CSMD2: variants seen among roughly 807,000 people sequenced by gnomAD.
CSMD2 encodes CUB and Sushi multiple domains 2.
A neutral mutation model predicts 398.5 loss-of-function variants in CSMD2; 130 were observed. The observed-to-expected ratio is 0.33, with a 90% CI of 0.28 to 0.38. The LOEUF is 0.38. Ranked by LOEUF, CSMD2 falls within the 10% of genes least tolerant of loss-of-function variation. The pLI, the probability that CSMD2 is intolerant of heterozygous loss-of-function variation, is 1.00. For missense variants in CSMD2, 3,829 were observed against 4,764.9 expected (o/e 0.80, Z 5.78); for synonymous variants, 1,828 against 1,908.5 (o/e 0.96, Z 1.10).
intron 15 of CSMD2, among the ~76,000 whole-genome samples, chr1:33,734,263 A>G (rs1468229861): frequency 6.6e-6 from 1 of 152,120 alleles, no homozygotes; most frequent in Non-Finnish European, 1.5e-5. Context: ...CTGTTAAACC[A>G]TTTTCCTCTG....
chr1:33,637,332 T>C (rs1264926960), intron 29 of CSMD2, among the ~76,000 whole-genome samples: 1 of 152,214 alleles, frequency 6.6e-6, no homozygotes, highest in Non-Finnish European at 1.5e-5. Flanking sequence ...AAAACCACAG[T>C]ATTTTTTTCA....
Position 33,571,657 on chromosome 1 carries a change from T to C in CSMD2, c.7832A>G (p.Gln2611Arg). ...CATCAGCTGGGCCTGGAACTGATAC[T>C]GTGTCTCAAAGATAAGCCTCCATCG... is the stretch of plus-strand genomic sequence containing the variant. Reference protein sequence around the residue: ...HGRWRLIFETQYQFQAQLMLI... With the variant: ...HGRWRLIFETRYQFQAQLMLI... The change falls in exon 51 of 71, where the codon CAG becomes CGG. Residue 2611 changes from glutamine to arginine, a missense_variant. Physicochemically the swap from Gln to Arg is conservative, Grantham distance 43. This residue lies in a region of CSMD2 where 723 missense variants were observed against 758.6 expected (regional missense o/e 0.95). Coordinates refer to ENST00000373381, the MANE Select transcript of CSMD2 (RefSeq NM_001281956.2). 1.3e-6 allele frequency: 2 copies of C among 1,584,662 alleles called. No homozygotes were observed.
At chr1:33,866,124 G>C (rs1447817525) in intron 5 of CSMD2, among the ~76,000 whole-genome samples, 2 of 152,104 alleles carry the variant, frequency 1.3e-5, no homozygotes, top group African/African-American at 4.8e-5. Context: ...ACATATTTTT[G>C]AACAGTCTTT....
intron 62 of CSMD2, among the ~76,000 whole-genome samples, 167 bp from the exon 63 acceptor site, chr1:33,534,074 A>G (rs1301318593): frequency 1.3e-5 from 2 of 152,156 alleles, no homozygotes; most frequent in East Asian, 3.9e-4. Flanking sequence ...GAGGCAGTTG[A>G]TAGGATGCCT....
chr1:33,666,403 T>C (rs1644317672), intron 25 of CSMD2, among the ~76,000 whole-genome samples: 1 of 152,236 alleles, frequency 6.6e-6, no homozygotes, highest in Non-Finnish European at 1.5e-5. Context: ...GTTTTTCATC[T>C]TTGTTATGGT....
intron 12 of CSMD2, among the ~76,000 whole-genome samples, chr1:33,780,735 A>G (rs1652640909): frequency 6.6e-6 from 1 of 152,148 alleles, no homozygotes; most frequent in South Asian, 2.1e-4. Context: ...GGACTTTTTG[A>G]GAAGAGGCAG....
In CSMD2 at chr1:34,063,938, A is replaced by G. The variant is rs528749215; in HGVS notation, c.404+25039T>C. ...TGCACACCAGCAGACTCAACACCAC[A>G]TGGAAGCTGCCAAGGCTTGGGGCTT... On this transcript the variant is annotated intron_variant, in intron 2 of 70. Coordinates refer to ENST00000373381, the MANE Select transcript of CSMD2 (RefSeq NM_001281956.2). 1.6e-3 allele frequency among the ~76,000 whole-genome samples: 248 copies of G among 152,308 alleles called. 2 individuals carry two copies. Among genetic ancestry groups the G allele is most frequent in the African/African-American group, 5.7e-3 (239 of 41,574 alleles).
At chr1:33,580,326 C>G (rs1269295320) in intron 48 of CSMD2, among the ~76,000 whole-genome samples, 2 of 152,168 alleles carry the variant, frequency 1.3e-5, no homozygotes, top group African/African-American at 4.8e-5. Flanking sequence ...GCCTTTTGAT[C>G]TGACTCTGTT....
At chr1:33,838,262 T>C (rs6425846) in intron 6 of CSMD2, among the ~76,000 whole-genome samples, 119,625 of 152,202 alleles carry the variant, frequency 0.79, 47,866 homozygotes, top group East Asian at 0.94. Flanking sequence ...CTCAGCCTTA[T>C]ACAATTTCTC....
chr1:33,918,329 A>G (rs1172658757), intron 4 of CSMD2, 28 bp from the exon 5 acceptor site: 3 of 1,605,166 alleles, frequency 1.9e-6, no homozygotes, highest in Non-Finnish European at 2.6e-6. Flanking sequence ...AGAGGCTTAC[A>G]TGAGTAGTCT....
At chr1:34,035,918 T>C (rs564071696) in intron 2 of CSMD2, among the ~76,000 whole-genome samples, 4 of 152,252 alleles carry the variant, frequency 2.6e-5, no homozygotes, top group African/African-American at 9.6e-5. Flanking sequence ...AAAAGATGTT[T>C]AACATCACTA....
intron 45 of CSMD2, 119 bp downstream of exon 45, chr1:33,586,967 GTT>G: frequency 1.4e-6 from 1 of 723,752 alleles, no homozygotes; most frequent in South Asian, 2.0e-5. Context: ...AGGGCCTACT[GTT>G]TCTCTCTCCA....
intron 25 of CSMD2, among the ~76,000 whole-genome samples, chr1:33,690,973 C>T (rs1331360126): frequency 3.3e-5 from 5 of 152,112 alleles, no homozygotes; most frequent in Non-Finnish European, 7.4e-5. Flanking sequence ...TCCTAGGAGC[C>T]CCGCAAGAGA....
At chr1:33,737,008 C>T (rs1366106215) in intron 15 of CSMD2, among the ~76,000 whole-genome samples, 1 of 152,152 alleles carries the variant, frequency 6.6e-6, no homozygotes, top group Non-Finnish European at 1.5e-5. Flanking sequence ...GAAAGACCAC[C>T]GATTCACAAC....
At chr1:34,137,238 T>A (rs1415483746) in intron 1 of CSMD2, among the ~76,000 whole-genome samples, 1 of 151,974 alleles carries the variant, frequency 6.6e-6, no homozygotes, top group Non-Finnish European at 1.5e-5. Flanking sequence ...TAGCCTAGAC[T>A]TACTTATCTC....
At chr1:34,137,620 G>A (rs1346294062) in intron 1 of CSMD2, among the ~76,000 whole-genome samples, 1 of 152,152 alleles carries the variant, frequency 6.6e-6, no homozygotes, top group Non-Finnish European at 1.5e-5. Context: ...CAGCGCTCCT[G>A]GCCCAGTGTA....
chr1:33,988,850 G>C (rs1418950938), intron 3 of CSMD2, among the ~76,000 whole-genome samples: 1 of 151,196 alleles, frequency 6.6e-6, no homozygotes, highest in Non-Finnish European at 1.5e-5. Flanking sequence ...ATTCACACAG[G>C]GAAAAAATGA....
At position 34,127,191 on chromosome 1, in the gene CSMD2, C is replaced by A. The variant is rs74928487; in HGVS notation, c.187+37720G>T. Among the ~76,000 whole-genome samples, 326 of 152,198 alleles carry A rather than the reference C, an allele frequency of 2.1e-3. 2 individuals carry two copies. In the East Asian group the frequency reaches 0.036, roughly 17 times the overall value. On this transcript the variant is annotated intron_variant, in intron 1 of 70. Transcript: ENST00000373381. The stretch of plus-strand genomic sequence containing the variant: ...CAAAGGCTCCGTCAGCGGCATCCGA[C>A]CCCCCAGGTCCCCATGGGAGCTAAG...
At chr1:33,678,606 AT>A (rs1644799349) in intron 25 of CSMD2, among the ~76,000 whole-genome samples, 1 of 152,192 alleles carries the variant, frequency 6.6e-6, no homozygotes, top group African/African-American at 2.4e-5. Context: ...AGCTGCAATT[AT>A]CCTTGGTGAC....
Sources: allele counts gnomAD v4.1 joint callset (sites outside exome capture counted in the v4.1 genomes callset), GRCh38; gene constraint gnomAD v4.1.1; regional missense constraint gnomAD v4.1.1; transcripts MANE v1.5; gene names NCBI Gene and HGNC (gene_info 2026-07-23, HGNC 2026-07-21).